Variants in TTC1 observed in about 807,000 individuals in gnomAD.
TTC1 encodes the protein tetratricopeptide repeat protein 1.
TTC1 carries 31 observed loss-of-function variants against 37.6 expected under a neutral mutation model. The observed-to-expected ratio is 0.82, with a 90% CI of 0.62 to 1.11. TTC1 has a LOEUF of 1.11. Ranked by LOEUF, TTC1 falls within the 50% of genes most tolerant of loss-of-function variation. The probability of loss-of-function intolerance (pLI) is 0.00; values close to 1 mark genes in which losing one functional copy is unlikely to be tolerated. For missense variants in TTC1, 351 were observed against 339.0 expected (o/e 1.04, Z -0.28); for synonymous variants, 127 against 122.4 (o/e 1.04, Z -0.25).
chr5:160,012,416 G>A (rs931766066), intron 2 of TTC1, among the ~76,000 whole-genome samples: 1 of 151,700 alleles, frequency 6.6e-6, no homozygotes, highest in Admixed American at 6.6e-5. Flanking sequence ...CCAGGCTGGA[G>A]TGCAGTGATG....
intron 7 of TTC1, among the ~76,000 whole-genome samples, chr5:160,058,142 T>C (rs1255344825): frequency 2.0e-5 from 3 of 152,190 alleles, no homozygotes; most frequent in Non-Finnish European, 4.4e-5. Flanking sequence ...GGAGATTCCA[T>C]CTCAAGAAAC....
intron 7 of TTC1, among the ~76,000 whole-genome samples, chr5:160,055,048 CAT>C (rs1757507857): frequency 6.6e-6 from 1 of 152,124 alleles, no homozygotes; most frequent in African/African-American, 2.4e-5. Context: ...GTTCTTTGCA[CAT>C]GAGTCATTAT....
At position 160,010,521 on chromosome 5, in the gene TTC1, T is replaced by G; in HGVS notation, c.-8T>G. 1 of 1,607,210 alleles carries G rather than the reference T, an allele frequency of 6.2e-7. No individual in the cohort carries two copies. The highest frequency in any genetic ancestry group is 8.5e-7 in the Non-Finnish European group (1 of 1,174,786). On this transcript the variant is annotated 5_prime_UTR_variant, in exon 2 of 8. Transcript: ENST00000231238. ...CCAGCTTTAGCGTCACCTCCCTCAC[T>G]GGGCAGCATGGGGGAGAAGTCAGAG...
At chr5:160,025,657 A>G (rs1480353396) in intron 2 of TTC1, among the ~76,000 whole-genome samples, 1 of 152,218 alleles carries the variant, frequency 6.6e-6, no homozygotes, top group Non-Finnish European at 1.5e-5. Flanking sequence ...GCTTCTGTGC[A>G]TTACTCAGTT....
chr5:160,020,559 A>G (rs576218102), intron 2 of TTC1, among the ~76,000 whole-genome samples: 16 of 152,358 alleles, frequency 1.1e-4, no homozygotes, highest in Middle Eastern at 3.4e-3. Context: ...TAGTGAGCGA[A>G]GCTTCATCTG....
chr5:160,053,934 T>A (rs1757473201), intron 7 of TTC1, among the ~76,000 whole-genome samples: 1 of 152,192 alleles, frequency 6.6e-6, no homozygotes, highest in African/African-American at 2.4e-5. Flanking sequence ...TAGCCCATCA[T>A]TTATAATCTT....
chr5:160,055,787 C>G (rs1561639765), intron 7 of TTC1, among the ~76,000 whole-genome samples: 2 of 152,252 alleles, frequency 1.3e-5, no homozygotes, highest in Non-Finnish European at 2.9e-5. Flanking sequence ...CTCTGAGAGA[C>G]ACCTCCTGAG....
rs34967107 is a variant in TTC1, at chr5:160,063,966, C to CTTTTT, written c.746-950_746-946dup. Among the ~76,000 whole-genome samples, 110 of 106,652 alleles carry CTTTTT rather than the reference C, an allele frequency of 1.0e-3. 6 individuals are homozygous for CTTTTT. The highest frequency in any genetic ancestry group is 1.6e-3 in the South Asian group (5 of 3,160). The allele number at this position is 106,652 out of a possible 152,430, so 70.0% of individuals were successfully genotyped here. A position where few individuals can be genotyped will look rare whatever the true frequency, so the allele number is the denominator to read the frequency against. On this transcript the variant is annotated intron_variant, in intron 7 of 7. Transcript: ENST00000231238. ...AAGAACCGCTGGCTATAGACCATGA[C>CTTTTT]TTTTTTTTTTTTTTTTTTTTGAGAC...
chr5:160,048,576 T>C (rs1408046013), intron 5 of TTC1, among the ~76,000 whole-genome samples: 1 of 152,210 alleles, frequency 6.6e-6, no homozygotes, highest in Non-Finnish European at 1.5e-5. Flanking sequence ...AAGGAAAAGA[T>C]ATTATGCATC....
chr5:160,051,200 C>T lies in TTC1; in HGVS notation c.745+17C>T, dbSNP rs760439140. On this transcript the variant is annotated intron_variant, in intron 7 of 7. Coordinates refer to ENST00000231238, the MANE Select transcript of TTC1 (RefSeq NM_003314.3). ...AGATGTTAGGTAAGCTTACTTCTTA[C>T]TTTGCTTGATCATAAACAGCTAGGA... 14 of 1,597,670 alleles carry T rather than the reference C, an allele frequency of 8.8e-6. No individual in the cohort carries two copies.
intron 2 of TTC1, chr5:160,024,077 G>C: frequency 2.0e-6 from 2 of 977,866 alleles, no homozygotes; most frequent in Admixed American, 3.5e-5. Context: ...GTAAGTGTGG[G>C]GGGATGGGCA....
At chr5:160,063,760 T>A (rs910494248) in intron 7 of TTC1, 5 of 152,208 alleles carry the variant, frequency 3.3e-5, no homozygotes, top group Non-Finnish European at 7.3e-5. Flanking sequence ...ATTCCTAGTT[T>A]CAGATGTTCC....
intron 2 of TTC1, among the ~76,000 whole-genome samples, chr5:160,021,581 G>T (rs1341999819): frequency 6.6e-6 from 1 of 152,178 alleles, no homozygotes; most frequent in African/African-American, 2.4e-5. Flanking sequence ...CTACTGAGAG[G>T]CAGGTTCTAA....
At chr5:160,030,761 G>A (rs1404050464) in intron 2 of TTC1, among the ~76,000 whole-genome samples, 4 of 152,144 alleles carry the variant, frequency 2.6e-5, no homozygotes, top group Admixed American at 2.6e-4. Context: ...AATTTCTTTG[G>A]TTTCCATTTC....
chr5:160,036,831 A>G, intron 4 of TTC1, 28 bp downstream of exon 4: 8 of 1,510,202 alleles, frequency 5.3e-6, no homozygotes, highest in Non-Finnish European at 7.3e-6. Flanking sequence ...TTTCTTTTTA[A>G]AAAGCACATG....
intron 7 of TTC1, among the ~76,000 whole-genome samples, chr5:160,053,899 G>C (rs998345538): frequency 9.9e-5 from 15 of 152,202 alleles, no homozygotes; most frequent in Non-Finnish European, 8.8e-5. Context: ...TTAGTGGGTA[G>C]AACAATTATT....
intron 2 of TTC1, among the ~76,000 whole-genome samples, chr5:160,023,101 A>G (rs903296588): frequency 4.6e-5 from 7 of 151,842 alleles, no homozygotes; most frequent in African/African-American, 1.7e-4. Flanking sequence ...TAAAAATACA[A>G]AAAAAATAGC....
intron 5 of TTC1, among the ~76,000 whole-genome samples, chr5:160,049,215 CATAA>C (rs1277771846): frequency 1.3e-5 from 2 of 152,058 alleles, no homozygotes; most frequent in African/African-American, 2.4e-5. Flanking sequence ...TTTTAGTGTC[CATAA>C]ATAGTTTATT....
At position 160,023,787 on chromosome 5, in the gene TTC1, T is replaced by C; in HGVS notation, c.331-11353T>C. The C allele has an allele frequency of 1.9e-6, 3 of 1,613,534 alleles. 1 individual carries two copies. Among genetic ancestry groups the C allele is most frequent in the East Asian group, 4.5e-5 (2 of 44,866 alleles). On this transcript the variant is annotated intron_variant, in intron 2 of 7. Transcript: ENST00000231238. ...TTTGCTGCCTTGCTGTCTTTTGATG[T>C]GTGCCTTGCCCTCTTGCCTGTATCA...
Sources: allele counts gnomAD v4.1 joint callset (sites outside exome capture counted in the v4.1 genomes callset), GRCh38; gene constraint gnomAD v4.1.1; transcripts MANE v1.5; gene names NCBI Gene and HGNC (gene_info 2026-07-23, HGNC 2026-07-21).